TCF7L2: variants seen among roughly 807,000 people sequenced by gnomAD.
The protein encoded by TCF7L2 is transcription factor 7 like 2, also known as transcription factor 7-like 2.
In TCF7L2, 23 loss-of-function variants were observed where a neutral mutation model predicts 77.9. The observed-to-expected ratio is 0.30, with a 90% CI of 0.21 to 0.42. The LOEUF (loss-of-function observed/expected upper bound fraction) is 0.42, where lower values mean the gene tolerates loss of function less well. Among genes scored for constraint, TCF7L2 ranks in the 10% least tolerant of loss-of-function variants. The pLI is 1.00. For synonymous variants in TCF7L2, 413 were observed against 340.2 expected (o/e 1.21, Z -2.36); for missense variants, 654 against 793.1 (o/e 0.82, Z 2.11).
intron 4 of TCF7L2, among the ~76,000 whole-genome samples, chr10:112,973,842 G>A (rs554328283): frequency 3.7e-4 from 57 of 152,208 alleles, no homozygotes; most frequent in Admixed American, 9.8e-4. Flanking sequence ...TGCCCGCCTT[G>A]GCCTCCCAAA....
rs1182954986 is a variant in TCF7L2, at chr10:113,165,926, G to A, written c.1763G>A (p.Gly588Glu). The A allele has an allele frequency of 6.4e-7, 1 of 1,565,970 alleles. No individual in the cohort carries two copies. Among genetic ancestry groups the A allele is most frequent in the Non-Finnish European group, 8.7e-7 (1 of 1,153,716 alleles). The change falls in exon 14 of 14, where the codon GGG (glycine) becomes GAG (glutamate). Residue 588 changes from glycine (G) to glutamate (E), a missense_variant. By Grantham distance (98) the Gly-to-Glu change is moderately conservative. Transcript: ENST00000627217. ...TTACATTCCCACAGCTCCCTGGCCG[G>A]GACCCAGCCCCAGCCGCTGTCGCTC... is the stretch of plus-strand genomic sequence containing the variant.
intron 5 of TCF7L2, among the ~76,000 whole-genome samples, chr10:113,084,104 T>A (rs756065027): frequency 6.6e-6 from 1 of 152,156 alleles, no homozygotes; most frequent in Non-Finnish European, 1.5e-5. Context: ...AAAATCTGAA[T>A]CCATATGCAT....
intron 4 of TCF7L2, among the ~76,000 whole-genome samples, chr10:112,986,941 G>T (rs1236621998): frequency 6.6e-6 from 1 of 152,154 alleles, no homozygotes; most frequent in African/African-American, 2.4e-5. Context: ...GCAGATATTG[G>T]TGGGTGAAGA....
intron 5 of TCF7L2, among the ~76,000 whole-genome samples, chr10:113,050,649 G>T (rs2054263333): frequency 6.6e-6 from 1 of 152,140 alleles, no homozygotes; most frequent in South Asian, 2.1e-4. Context: ...TGTTTTTTTG[G>T]AAAGAGGTAG....
chr10:113,130,436 G>A (rs1340666923), intron 5 of TCF7L2, among the ~76,000 whole-genome samples: 3 of 152,218 alleles, frequency 2.0e-5, no homozygotes, highest in Non-Finnish European at 4.4e-5. Context: ...AAGCTTGAAA[G>A]TTTTGAGTGA....
At chr10:112,995,305 G>A (rs1476099801) in intron 4 of TCF7L2, among the ~76,000 whole-genome samples, 1 of 152,088 alleles carries the variant, frequency 6.6e-6, no homozygotes, top group Non-Finnish European at 1.5e-5. Context: ...TTTGTTTCAA[G>A]CAAACCACAT....
intron 5 of TCF7L2, among the ~76,000 whole-genome samples, chr10:113,099,708 G>A (rs561009992): frequency 1.3e-5 from 2 of 152,340 alleles, no homozygotes; most frequent in East Asian, 3.9e-4. Context: ...TCTGCCGTGC[G>A]TTTTGCTGGG....
intron 4 of TCF7L2, among the ~76,000 whole-genome samples, chr10:113,003,347 G>A (rs868326945): frequency 3.9e-5 from 6 of 152,110 alleles, no homozygotes; most frequent in Non-Finnish European, 7.3e-5. Flanking sequence ...TGGCTGCCAG[G>A]GCCTTTGTTT....
chr10:113,153,816 G>A (rs760492843), intron 11 of TCF7L2, among the ~76,000 whole-genome samples: 2 of 152,222 alleles, frequency 1.3e-5, no homozygotes, highest in Non-Finnish European at 2.9e-5. Context: ...AACATCTGCC[G>A]GCCTATGTGA....
intron 4 of TCF7L2, among the ~76,000 whole-genome samples, chr10:112,987,260 A>G (rs976499415): frequency 6.6e-6 from 1 of 152,184 alleles, no homozygotes; most frequent in Non-Finnish European, 1.5e-5. Context: ...GTGACTTTAT[A>G]TGACCTGCAG....
intron 5 of TCF7L2, among the ~76,000 whole-genome samples, chr10:113,052,139 T>G (rs761413324): frequency 3.9e-5 from 6 of 152,112 alleles, no homozygotes; most frequent in Non-Finnish European, 8.8e-5. Context: ...TTAAGACACA[T>G]AGAAATTGTG....
At chr10:113,147,366 TAGAG>T (rs1038988764) in intron 8 of TCF7L2, among the ~76,000 whole-genome samples, 2 of 152,220 alleles carry the variant, frequency 1.3e-5, no homozygotes, top group African/African-American at 4.8e-5. Context: ...TTAGCAGTGA[TAGAG>T]AGTTACATTC....
chr10:112,952,126 G>C (rs1017163821), intron 3 of TCF7L2, among the ~76,000 whole-genome samples: 1 of 152,198 alleles, frequency 6.6e-6, no homozygotes, highest in Non-Finnish European at 1.5e-5. Context: ...CGATGCGCGG[G>C]GTAGAGAGTG....
intron 11 of TCF7L2, among the ~76,000 whole-genome samples, chr10:113,155,321 C>G (rs73362222): frequency 0.045 from 6,845 of 152,204 alleles, 420 homozygotes; most frequent in African/African-American, 0.14. Context: ...GGATAGAGGT[C>G]CCATGCCATT....
At position 113,071,958 on chromosome 10, in the gene TCF7L2, A is replaced by C. The variant is rs532019176; in HGVS notation, c.552+31832A>C. On this transcript the variant is annotated intron_variant, in intron 5 of 13. Transcript: ENST00000627217. ...TGCTTCAGCAGTACTCTCCAAGGAG[A>C]ATGATTGTTTTAATAAATTACTGTT... 6.6e-5 allele frequency among the ~76,000 whole-genome samples: 10 copies of C among 152,328 alleles called. No homozygotes were observed. The East Asian group carries it at 1.9e-3, about 29-fold the overall frequency.
intron 8 of TCF7L2, among the ~76,000 whole-genome samples, chr10:113,150,438 C>G (rs1292812308): frequency 6.6e-6 from 1 of 152,068 alleles, no homozygotes; most frequent in Non-Finnish European, 1.5e-5. Flanking sequence ...CTCACTCTCT[C>G]CCATTCCTGT....
intron 5 of TCF7L2, among the ~76,000 whole-genome samples, chr10:113,140,264 G>T (rs534655289): frequency 6.6e-6 from 1 of 152,164 alleles, no homozygotes; most frequent in African/African-American, 2.4e-5. Flanking sequence ...TGAGCGGGAG[G>T]TGGGGGAAAG....
intron 5 of TCF7L2, among the ~76,000 whole-genome samples, chr10:113,080,021 G>T (rs112033570): frequency 3.0e-4 from 45 of 151,886 alleles, no homozygotes; most frequent in African/African-American, 8.9e-4. Flanking sequence ...TCTTATGTGT[G>T]TACTGTCTCT....
At chr10:113,152,716 CT>C (rs1382614471) in intron 11 of TCF7L2, among the ~76,000 whole-genome samples, 2 of 152,132 alleles carry the variant, frequency 1.3e-5, no homozygotes, top group African/African-American at 4.8e-5. Context: ...TGATTTGGTG[CT>C]TGTCTCCTTT....
Sources: allele counts gnomAD v4.1 joint callset (sites outside exome capture counted in the v4.1 genomes callset), GRCh38; gene constraint gnomAD v4.1.1; transcripts MANE v1.5; gene names NCBI Gene and HGNC (gene_info 2026-07-23, HGNC 2026-07-21).